FSTL5: variants seen among roughly 807,000 people sequenced by gnomAD.
The protein encoded by FSTL5 is follistatin like 5, also known as follistatin-related protein 5.
In FSTL5, 62 loss-of-function variants were observed where a neutral mutation model predicts 89.1. The ratio of observed to expected loss-of-function variants is 0.70; its 90% CI spans 0.57 to 0.86. The LOEUF is 0.86. Among genes scored for constraint, FSTL5 ranks in the 40% least tolerant of loss-of-function variants. The probability of loss-of-function intolerance (pLI) is 0.00; values close to 1 mark genes in which losing one functional copy is unlikely to be tolerated. For synonymous variants in FSTL5, 383 were observed against 346.2 expected, an observed-to-expected ratio of 1.11 and a Z score of -1.18; for missense variants, 1,057 against 1,001.6, an observed-to-expected ratio of 1.06 and a Z score of -0.75.
At chr4:162,075,711 T>C (rs949045064) in intron 2 of FSTL5, among the ~76,000 whole-genome samples, 1 of 151,880 alleles carries the variant, frequency 6.6e-6, no homozygotes, top group African/African-American at 2.4e-5. Flanking sequence ...CTTAATTTTT[T>C]CCTTTGAGAT....
At chr4:161,993,232 T>G (rs1736189748) in intron 3 of FSTL5, among the ~76,000 whole-genome samples, 1 of 151,818 alleles carries the variant, frequency 6.6e-6, no homozygotes, top group African/African-American at 2.4e-5. Context: ...CTAAACTCAT[T>G]TTCAAAGGCC....
At position 162,112,182 on chromosome 4, in the gene FSTL5, G is replaced by A. The variant is rs531429024; in HGVS notation, c.-16-770C>T. ...TCGCCAACACACCTCCTTCCCTACT[G>A]TGACAGAGAGCAGCTTTTTCTTCTG... is the stretch of plus-strand genomic sequence containing the variant. On this transcript the variant is annotated intron_variant, in intron 1 of 15. Transcript: ENST00000306100. Among the ~76,000 whole-genome samples the A allele has an allele frequency of 2.6e-5, 4 of 152,214 alleles. No individual in the cohort carries two copies. In the South Asian group the frequency reaches 8.3e-4, roughly 32 times the overall value.
chr4:162,004,830 C>T (rs1189797913), intron 3 of FSTL5, among the ~76,000 whole-genome samples: 1 of 152,090 alleles, frequency 6.6e-6, no homozygotes, highest in Non-Finnish European at 1.5e-5. Context: ...GTGCCTGCAA[C>T]AGTCCCTGGC....
At chr4:161,577,535 C>T (rs772717546) in intron 8 of FSTL5, among the ~76,000 whole-genome samples, 6 of 148,666 alleles carry the variant, frequency 4.0e-5, no homozygotes, top group South Asian at 2.1e-4. Context: ...TTCTTCCTGG[C>T]GGCATCCATT....
chr4:161,955,401 CA>C (rs547359636), intron 3 of FSTL5, among the ~76,000 whole-genome samples: 43 of 147,490 alleles, frequency 2.9e-4, no homozygotes, highest in Admixed American at 4.7e-4. Context: ...ATAATGTGAA[CA>C]AAAAAAAATG....
intron 6 of FSTL5, among the ~76,000 whole-genome samples, chr4:161,724,846 A>G (rs1053105515): frequency 5.9e-5 from 9 of 152,138 alleles, no homozygotes; most frequent in African/African-American, 2.2e-4. Flanking sequence ...CAAGATATAA[A>G]CCCATATACT....
chr4:161,663,986 C>CATTG (rs1229391660), intron 6 of FSTL5, among the ~76,000 whole-genome samples: 1 of 152,212 alleles, frequency 6.6e-6, no homozygotes, highest in African/African-American at 2.4e-5. Context: ...CCAAGCTGTA[C>CATTG]ATTGGCCCCT....
chr4:161,457,086 G>A (rs561796711), intron 14 of FSTL5, among the ~76,000 whole-genome samples: 52 of 152,178 alleles, frequency 3.4e-4, no homozygotes, highest in Non-Finnish European at 6.3e-4. Context: ...TTATGGCTGA[G>A]GCATAAACAC....
chr4:161,575,122 G>GT (rs971051907), intron 8 of FSTL5, among the ~76,000 whole-genome samples: 2 of 152,102 alleles, frequency 1.3e-5, no homozygotes, highest in African/African-American at 4.8e-5. Context: ...TTTTTCAAAG[G>GT]TTTTTTGGCC....
At chr4:161,851,232 T>C (rs1274739035) in intron 4 of FSTL5, among the ~76,000 whole-genome samples, 1 of 152,196 alleles carries the variant, frequency 6.6e-6, no homozygotes, top group Non-Finnish European at 1.5e-5. Flanking sequence ...GATTTGGAAG[T>C]TGATTATCCT....
At chr4:161,640,946 T>C (rs1735936751) in intron 7 of FSTL5, among the ~76,000 whole-genome samples, 4 of 152,314 alleles carry the variant, frequency 2.6e-5, no homozygotes, top group African/African-American at 2.4e-5. Flanking sequence ...CTTAGTACAA[T>C]TGTTTGCAGC....
intron 3 of FSTL5, among the ~76,000 whole-genome samples, chr4:161,946,012 T>A (rs1264497333): frequency 6.6e-6 from 1 of 152,156 alleles, no homozygotes; most frequent in Non-Finnish European, 1.5e-5. Context: ...AATATTGCAT[T>A]TTCATTTGCA....
chr4:161,864,870 C>CAAAAAA (rs10636039), intron 4 of FSTL5, among the ~76,000 whole-genome samples: 8 of 92,358 alleles, frequency 8.7e-5, no homozygotes, highest in South Asian at 4.1e-4. Flanking sequence ...GACTTCGTCT[C>CAAAAAA]AAAAAAAAAA....
At position 161,658,968 on chromosome 4, in the gene FSTL5, G is replaced by A. The variant is rs553698783; in HGVS notation, c.728-2474C>T. 9.9e-5 allele frequency among the ~76,000 whole-genome samples: 15 copies of A among 152,180 alleles called. No individual in the cohort carries two copies. The East Asian group carries it at 2.9e-3, about 29-fold the overall frequency. ...CTAACCCTTCCGCATCTGTTATTAG[G>A]TCCCAGGCCATTTGAATTAGTTGTG... is the stretch of plus-strand genomic sequence containing the variant. On this transcript the variant is annotated intron_variant, in intron 6 of 15. Coordinates refer to ENST00000306100, the MANE Select transcript of FSTL5 (RefSeq NM_020116.5).
At chr4:161,758,569 A>C (rs1164166322) in intron 6 of FSTL5, among the ~76,000 whole-genome samples, 1 of 152,104 alleles carries the variant, frequency 6.6e-6, no homozygotes, top group Non-Finnish European at 1.5e-5. Context: ...CCCAGGCTGG[A>C]CTGCAATGGC....
At chr4:161,550,204 C>T (rs7656637) in intron 8 of FSTL5, among the ~76,000 whole-genome samples, 50,691 of 151,580 alleles carry the variant, frequency 0.33, 9,089 homozygotes, top group African/African-American at 0.41. Flanking sequence ...AATAATAGAC[C>T]TTCAAAGCTC....
In FSTL5 at chr4:162,116,622, T is replaced by C. The variant is rs946502131; in HGVS notation, c.-16-5210A>G. Among the ~76,000 whole-genome samples, 10 of 152,172 alleles carry C rather than the reference T, an allele frequency of 6.6e-5. 1 individual carries two copies. The highest frequency in any genetic ancestry group is 2.4e-4 in the African/African-American group (10 of 41,446). On this transcript the variant is annotated intron_variant, in intron 1 of 15. Transcript: ENST00000306100. ...TCAGGAATAAGGGGCTTTTGTTCTCTTTCCCAGGCGGTGCTAGATATCAGG... is the reference window on the plus strand; with the variant it reads ...TCAGGAATAAGGGGCTTTTGTTCTCCTTCCCAGGCGGTGCTAGATATCAGG...
At chr4:161,532,345 T>C (rs542105632) in intron 10 of FSTL5, among the ~76,000 whole-genome samples, 27 of 152,252 alleles carry the variant, frequency 1.8e-4, no homozygotes, top group Non-Finnish European at 3.8e-4. Flanking sequence ...ATATTAAAGA[T>C]AAGAAAACTA....
chr4:161,444,880 A>T (rs557538796), intron 15 of FSTL5, among the ~76,000 whole-genome samples: 1 of 152,094 alleles, frequency 6.6e-6, no homozygotes, highest in Non-Finnish European at 1.5e-5. Context: ...GTTCCAATAC[A>T]TATGAAATGA....
Sources: gnomAD v4.1 joint callset for allele counts (sites outside exome capture counted in the v4.1 genomes callset) on GRCh38, gnomAD v4.1.1 for gene constraint, MANE v1.5 for transcripts, NCBI Gene and HGNC (gene_info 2026-07-23, HGNC 2026-07-21) for gene names.